The following DMD variants were observed in gnomAD, a reference collection of about 807,000 sequenced individuals.
DMD encodes dystrophin.
In DMD, 63 loss-of-function variants were observed where a neutral mutation model predicts 330.1. The observed-to-expected ratio is 0.19, with a 90% CI of 0.16 to 0.24. DMD has a LOEUF of 0.24. Among genes scored for constraint, DMD ranks in the 10% least tolerant of loss-of-function variants. The pLI, the probability that DMD is intolerant of heterozygous loss-of-function variation, is 1.00. For synonymous variants in DMD, 1,223 were observed against 959.8 expected, an observed-to-expected ratio of 1.27 and a Z score of -5.07; for missense variants, 3,344 against 2,684.1, an observed-to-expected ratio of 1.25 and a Z score of -5.43.
chrX:32,822,704 TACACAC>T (rs757600776), intron 5 of DMD, among the ~76,000 whole-genome samples: 1 of 108,500 alleles, frequency 9.2e-6, no homozygotes, highest in Non-Finnish European at 1.9e-5. Context: ...GCATATATAC[TACACAC>T]ACACACACAC....
chrX:32,828,671 A>G (rs1351646854), intron 4 of DMD, among the ~76,000 whole-genome samples: 1 of 110,477 alleles, frequency 9.1e-6, no homozygotes, highest in Non-Finnish European at 1.9e-5. Context: ...ATACACACAC[A>G]TATATACACA....
chrX:32,753,141 C>A (rs1353311018), intron 7 of DMD, among the ~76,000 whole-genome samples: 1 of 111,331 alleles, frequency 9.0e-6, no homozygotes, highest in African/African-American at 3.3e-5. Flanking sequence ...AGACTTCCAT[C>A]TAAATATCAC....
At chrX:32,520,844 C>CGTTT (rs1394209488) in intron 17 of DMD, among the ~76,000 whole-genome samples, 1 of 87,956 alleles carries the variant, frequency 1.1e-5, no homozygotes, top group African/African-American at 4.3e-5. Context: ...TCCTGCCATA[C>CGTTT]TTTTTTTTTT....
At chrX:33,218,306 G>A (rs1415277500) in intron 1 of DMD, among the ~76,000 whole-genome samples, 1 of 111,108 alleles carries the variant, frequency 9.0e-6, no homozygotes, top group African/African-American at 3.3e-5. Flanking sequence ...CTCTTCTACT[G>A]TGCTTACCTG....
chrX:32,735,988 A>T (rs189644895), intron 7 of DMD, among the ~76,000 whole-genome samples: 4 of 111,291 alleles, frequency 3.6e-5, no homozygotes, highest in Non-Finnish European at 5.7e-5. Flanking sequence ...CAACCTACAA[A>T]ATGGGAGAAA....
At chrX:31,778,176 C>T (rs963986816) in intron 50 of DMD, among the ~76,000 whole-genome samples, 5 of 112,382 alleles carry the variant, frequency 4.4e-5, no homozygotes, top group African/African-American at 1.6e-4. Context: ...CCATGAGGAA[C>T]AGAATTACAC....
chrX:32,646,120 G>A (rs963958661), intron 9 of DMD, among the ~76,000 whole-genome samples: 1 of 111,542 alleles, frequency 9.0e-6, no homozygotes, highest in Non-Finnish European at 1.9e-5. Context: ...AATAGAGACG[G>A]GGTAGTTTAC....
At chrX:31,615,539 T>A (rs1226209871) in intron 55 of DMD, among the ~76,000 whole-genome samples, 1 of 111,566 alleles carries the variant, frequency 9.0e-6, no homozygotes, top group African/African-American at 3.3e-5. Context: ...AGATAAAATA[T>A]CTCTCTTACA....
At chrX:32,156,675 A>G (rs761838623) in intron 44 of DMD, among the ~76,000 whole-genome samples, 11 of 107,209 alleles carry the variant, frequency 1.0e-4, no homozygotes, top group Non-Finnish European at 1.9e-4. Flanking sequence ...CACGCACGCA[A>G]TTATTAACCT....
intron 45 of DMD, among the ~76,000 whole-genome samples, chrX:31,939,812 TAC>T (rs1177754524): frequency 9.0e-6 from 1 of 111,544 alleles, no homozygotes; most frequent in African/African-American, 3.3e-5. Context: ...ACAGGAGGAG[TAC>T]TCAAAATTGA....
At chrX:32,691,496 C>T (rs1050270399) in intron 9 of DMD, among the ~76,000 whole-genome samples, 1 of 110,979 alleles carries the variant, frequency 9.0e-6, no homozygotes, top group Admixed American at 9.6e-5. Context: ...CTGTTGGATG[C>T]CTACTATTAA....
At chrX:32,373,695 T>G (rs1264303128) in intron 34 of DMD, among the ~76,000 whole-genome samples, 1 of 111,811 alleles carries the variant, frequency 8.9e-6, no homozygotes, top group African/African-American at 3.2e-5. Flanking sequence ...GCCTACCAAT[T>G]ATAGTTTGCC....
At chrX:32,841,230 C>T (rs921248513) in intron 4 of DMD, among the ~76,000 whole-genome samples, 1 of 110,219 alleles carries the variant, frequency 9.1e-6, no homozygotes, top group Non-Finnish European at 1.9e-5. Flanking sequence ...TTCTAGAAAA[C>T]CTAAAATTTA....
chrX:31,666,421 G>C (rs2081430522), intron 53 of DMD, among the ~76,000 whole-genome samples: 1 of 111,950 alleles, frequency 8.9e-6, no homozygotes, highest in Non-Finnish European at 1.9e-5. Flanking sequence ...GCTCTCATCA[G>C]TCTACAACGA....
chrX:32,641,408 G>GTGTA (rs1491521651), intron 11 of DMD: 29 of 90,509 alleles, frequency 3.2e-4, no homozygotes, highest in African/African-American at 1.2e-3. Flanking sequence ...TATTTTATAC[G>GTGTA]TATATATATA....
intron 67 of DMD, among the ~76,000 whole-genome samples, chrX:31,200,893 A>G (rs2043364194): frequency 8.9e-6 from 1 of 111,864 alleles, no homozygotes; most frequent in African/African-American, 3.3e-5. Context: ...CTAAAAAAAG[A>G]GGCAGCACTT....
In DMD at chrX:33,195,299, A is replaced by T. The variant is rs774842246; in HGVS notation, c.31+15983T>A. On this transcript the variant is annotated intron_variant, in intron 1 of 78. Coordinates refer to ENST00000357033, the MANE Select transcript of DMD (RefSeq NM_004006.3). ...AGGAGCAAACACTTGTCTTTGAGGT[A>T]GTCCAAGCCAACCATTCACTTTCTC... 2.7e-5 allele frequency among the ~76,000 whole-genome samples: 3 copies of T among 111,922 alleles called. No individual in the cohort carries two copies. In the South Asian group the frequency reaches 1.1e-3, roughly 42 times the overall value.
At chrX:32,385,579 AAAAC>A (rs2097952151) in intron 33 of DMD, among the ~76,000 whole-genome samples, 3 of 111,269 alleles carry the variant, frequency 2.7e-5, no homozygotes, top group Non-Finnish European at 5.7e-5. Flanking sequence ...TCTGCTCAGC[AAAAC>A]AAACAATCAA....
intron 55 of DMD, among the ~76,000 whole-genome samples, chrX:31,555,615 C>G (rs2074762955): frequency 8.9e-6 from 1 of 111,848 alleles, no homozygotes; most frequent in Admixed American, 9.5e-5. Context: ...TGGCAAGTTA[C>G]AGCTGTGGCC....
Sources: gnomAD v4.1 joint callset for allele counts (sites outside exome capture counted in the v4.1 genomes callset) on GRCh38, gnomAD v4.1.1 for gene constraint, MANE v1.5 for transcripts, NCBI Gene and HGNC (gene_info 2026-07-23, HGNC 2026-07-21) for gene names.